NTM: variants seen among roughly 807,000 people sequenced by gnomAD.
NTM encodes IgLON family member 2.
NTM carries 13 observed loss-of-function variants against 42.1 expected under a neutral mutation model. The observed-to-expected ratio is 0.31, with a 90% confidence interval of 0.20 to 0.49. NTM has a LOEUF of 0.49. Ranked by LOEUF, NTM falls within the 20% of genes least tolerant of loss-of-function variation. The pLI, the probability that NTM is intolerant of heterozygous loss-of-function variation, is 0.99. For synonymous variants in NTM, 187 were observed against 179.2 expected, an observed-to-expected ratio of 1.04 and a Z score of -0.35; for missense variants, 373 against 452.8, an observed-to-expected ratio of 0.82 and a Z score of 1.60.
At chr11:132,131,405 A>G (rs2066794785) in intron 2 of NTM, among the ~76,000 whole-genome samples, 1 of 152,218 alleles carries the variant, frequency 6.6e-6, no homozygotes, top group Non-Finnish European at 1.5e-5. Context: ...AATAGGTTGC[A>G]AGAGGATTAT....
intron 1 of NTM, among the ~76,000 whole-genome samples, chr11:131,466,813 C>CA (rs1951942939): frequency 6.6e-6 from 1 of 152,162 alleles, no homozygotes; most frequent in South Asian, 2.1e-4. Context: ...ATCAAAATCA[C>CA]AATTTTTTTC....
At chr11:131,947,090 G>A (rs484960) in intron 2 of NTM, among the ~76,000 whole-genome samples, 65,046 of 152,044 alleles carry the variant, frequency 0.43, 14,772 homozygotes, top group East Asian at 0.93. Context: ...GAGTAGTGGG[G>A]TGTTTCTAAA....
chr11:132,078,750 C>T (rs137968876), intron 2 of NTM, among the ~76,000 whole-genome samples: 14 of 152,218 alleles, frequency 9.2e-5, no homozygotes, highest in African/African-American at 2.6e-4. Context: ...GAATTTAATC[C>T]GTATGTTTCT....
At chr11:131,420,795 T>A (rs1231077248) in intron 1 of NTM, among the ~76,000 whole-genome samples, 1 of 152,192 alleles carries the variant, frequency 6.6e-6, no homozygotes, top group Non-Finnish European at 1.5e-5. Context: ...TTTTTCATTT[T>A]TTATAAAAGT....
chr11:132,243,573 G>A (rs1436597189), intron 4 of NTM, among the ~76,000 whole-genome samples: 1 of 152,176 alleles, frequency 6.6e-6, no homozygotes, highest in African/African-American at 2.4e-5. Flanking sequence ...GAAGTAGAGG[G>A]TTTCCCTCAT....
intron 7 of NTM, among the ~76,000 whole-genome samples, chr11:132,316,507 A>AAATATGTTTAG (rs2095433645): frequency 6.6e-6 from 1 of 152,186 alleles, no homozygotes; most frequent in South Asian, 2.1e-4. Context: ...GTATGTATTC[A>AAATATGTTTAG]AATATGTTTA....
chr11:132,043,838 A>C (rs903518449), intron 2 of NTM, among the ~76,000 whole-genome samples: 1 of 152,172 alleles, frequency 6.6e-6, no homozygotes, highest in Non-Finnish European at 1.5e-5. Context: ...GTGGTATGAA[A>C]TATATCATCT....
chr11:131,799,824 C>G (rs139143023), intron 1 of NTM, among the ~76,000 whole-genome samples: 1 of 152,300 alleles, frequency 6.6e-6, no homozygotes, highest in African/African-American at 2.4e-5. Context: ...CTGCAGTTAA[C>G]TATGGCAGCA....
chr11:132,315,877 T>C (rs1025842159), intron 7 of NTM, among the ~76,000 whole-genome samples: 2 of 152,186 alleles, frequency 1.3e-5, no homozygotes, highest in Admixed American at 1.3e-4. Flanking sequence ...ATTTGAGTGA[T>C]TGATGTGTCT....
intron 1 of NTM, chr11:131,911,323 G>A (rs1424573646): frequency 1.4e-6 from 2 of 1,467,678 alleles, no homozygotes; most frequent in Admixed American, 5.1e-5. Context: ...ATTAGACTCG[G>A]AGGAGTCTGC....
intron 2 of NTM, among the ~76,000 whole-genome samples, chr11:131,979,371 A>AT (rs35672616): frequency 0.17 from 26,329 of 152,184 alleles, 2,523 homozygotes; most frequent in East Asian, 0.47. Flanking sequence ...TGATAGCATT[A>AT]TTAACAATTG....
intron 2 of NTM, among the ~76,000 whole-genome samples, chr11:131,973,948 G>C (rs2063935651): frequency 6.6e-6 from 1 of 152,206 alleles, no homozygotes; most frequent in Admixed American, 6.5e-5. Flanking sequence ...GAGGCTGGAA[G>C]ACCAACTCCT....
rs997111779 is a variant in NTM, at chr11:132,030,203, C to A, written c.168-116079C>A. Among the ~76,000 whole-genome samples the A allele has an allele frequency of 5.5e-4, 84 of 152,232 alleles. 1 individual carries two copies. Among genetic ancestry groups the A allele is most frequent in the African/African-American group, 2.0e-3 (83 of 41,530 alleles). On this transcript the variant is annotated intron_variant, in intron 2 of 8. Transcript: ENST00000683400. ...GGCTTCATAATGCCTAGCTTAGTTA[C>A]CCCTCTCCTCAAACACTCCTAAAAC...
At chr11:131,545,141 A>G (rs1241357920) in intron 1 of NTM, among the ~76,000 whole-genome samples, 1 of 152,130 alleles carries the variant, frequency 6.6e-6, no homozygotes. Flanking sequence ...AGAGTTTAAG[A>G]ATGAAAAGAA....
rs189473499 is a variant in NTM, at chr11:132,098,550, C to G, written c.168-47732C>G. On this transcript the variant is annotated intron_variant, in intron 2 of 8. Coordinates refer to ENST00000683400, the MANE Select transcript of NTM (RefSeq NM_001352005.2). ...GCTCTAGACCACGCACCTCAGTTGC[C>G]TGCAGATAGTGTCCCTGTCCCGATC... Among the ~76,000 whole-genome samples the G allele has an allele frequency of 1.1e-3, 173 of 152,338 alleles. 2 individuals carry two copies. Among genetic ancestry groups the G allele is most frequent in the South Asian group, 0.01 (49 of 4,830 alleles).
intron 2 of NTM, among the ~76,000 whole-genome samples, chr11:132,035,861 GTC>G (rs1184132778): frequency 5.3e-5 from 8 of 152,130 alleles, no homozygotes; most frequent in African/African-American, 1.7e-4. Context: ...ATTTCAGCCT[GTC>G]TCTCTGCCAC....
intron 1 of NTM, among the ~76,000 whole-genome samples, chr11:131,877,303 A>G (rs1460364801): frequency 6.6e-6 from 1 of 152,148 alleles, no homozygotes. Context: ...GCCAGGACCT[A>G]TGGAGTCTCC....
At chr11:132,262,545 G>A (rs183499771) in intron 4 of NTM, among the ~76,000 whole-genome samples, 1 of 152,222 alleles carries the variant, frequency 6.6e-6, no homozygotes, top group Non-Finnish European at 1.5e-5. Flanking sequence ...TTCCTCACAT[G>A]GCAGGGGGAG....
In NTM at chr11:131,556,637, G is replaced by T. The variant is rs552206743; in HGVS notation, c.82+185749G>T. ...GGCTAGAGTGCAGTGGTGTGATCTC[G>T]GCTCATTGAAACCTTCGCCTCCCAG... is the stretch of plus-strand genomic sequence containing the variant. On this transcript the variant is annotated intron_variant, in intron 1 of 8. Transcript: ENST00000683400. Among the ~76,000 whole-genome samples, 7 of 148,572 alleles carry T rather than the reference G, an allele frequency of 4.7e-5. No homozygotes were observed. In the South Asian group the frequency reaches 1.5e-3, roughly 32 times the overall value.
Sources: gnomAD v4.1 joint callset for allele counts (sites outside exome capture counted in the v4.1 genomes callset) on GRCh38, gnomAD v4.1.1 for gene constraint, MANE v1.5 for transcripts, NCBI Gene and HGNC (gene_info 2026-07-23, HGNC 2026-07-21) for gene names.